Variants in POLR1C observed in about 807,000 individuals in gnomAD.
The protein encoded by POLR1C is DNA-directed RNA polymerases I and III subunit RPAC1.
Under a neutral mutation model 38.3 loss-of-function variants are expected in POLR1C, and 42 were observed. The ratio of observed to expected loss-of-function variants is 1.10; its 90% CI spans 0.86 to 1.42. POLR1C has a LOEUF of 1.42. Among genes scored for constraint, POLR1C ranks in the 40% most tolerant of loss-of-function variants. The pLI is 0.00. For synonymous variants in POLR1C, 163 were observed against 163.9 expected (o/e 0.99, Z 0.04); for missense variants, 507 against 450.5 (o/e 1.13, Z -1.14).
chr6:43,560,713 A>AC (rs1762372864), intron 10 of POLR1C, among the ~76,000 whole-genome samples: 1 of 152,196 alleles, frequency 6.6e-6, no homozygotes, highest in African/African-American at 2.4e-5. Flanking sequence ...TCAGAATATT[A>AC]CCTAAAGGGA....
intron 9 of POLR1C, chr6:43,546,858 G>C (rs1794988869): frequency 1.8e-6 from 2 of 1,131,600 alleles, no homozygotes. Context: ...ACAGAGGCCA[G>C]AGAGAATGAA....
chr6:43,547,757 A>G (rs781531782), intron 9 of POLR1C: 1 of 1,551,384 alleles, frequency 6.4e-7, no homozygotes, highest in South Asian at 1.1e-5. Flanking sequence ...TTAAACAAGG[A>G]CAGTTTCTTC....
intron 10 of POLR1C, among the ~76,000 whole-genome samples, chr6:43,552,230 G>A (rs922898840): frequency 1.3e-5 from 2 of 151,948 alleles, no homozygotes; most frequent in Non-Finnish European, 2.9e-5. Context: ...GCTAATTTTT[G>A]TATTTTTAGT....
chr6:43,554,442 T>C (rs1231461412), intron 10 of POLR1C, among the ~76,000 whole-genome samples: 1 of 150,318 alleles, frequency 6.7e-6, no homozygotes, highest in Non-Finnish European at 1.5e-5. Flanking sequence ...TTTTTCTTTT[T>C]TGAGATGGAG....
intron 10 of POLR1C, chr6:43,554,916 G>A (rs889282355): frequency 2.7e-5 from 4 of 150,920 alleles, no homozygotes; most frequent in African/African-American, 9.8e-5. Context: ...TTCTAAAGCA[G>A]TGACGTGCAC....
At chr6:43,532,646 C>T (rs890437328), downstream of POLR1C, among the ~76,000 whole-genome samples, 1 of 152,154 alleles carries the variant, frequency 6.6e-6, no homozygotes, top group African/African-American at 2.4e-5. Flanking sequence ...TCCTCATGCC[C>T]CTAACCTAGC....
chr6:43,544,786 GAC>G (rs1794883703), intron 9 of POLR1C, among the ~76,000 whole-genome samples: 1 of 152,142 alleles, frequency 6.6e-6, no homozygotes, highest in Admixed American at 6.6e-5. Flanking sequence ...GCCTCTTCTT[GAC>G]TAAATGTTTA....
At chr6:43,526,839 C>T in intron 8 of POLR1C, 1 of 1,344,428 alleles carries the variant, frequency 7.4e-7, no homozygotes, top group South Asian at 1.2e-5. Context: ...CTGTCTCTGG[C>T]CAGGTGAGGA....
downstream of POLR1C, chr6:43,524,379 A>T: frequency 6.9e-7 from 1 of 1,441,886 alleles, no homozygotes; most frequent in Non-Finnish European, 9.3e-7. Context: ...AAATCTCACC[A>T]TAATGGTCAA....
At chr6:43,530,529 T>G, downstream of POLR1C, 1 of 874,924 alleles carries the variant, frequency 1.1e-6, no homozygotes, top group Admixed American at 3.4e-5. Flanking sequence ...ATGTTTTCCC[T>G]GCAATCTGCC....
intron 9 of POLR1C, chr6:43,547,366 A>G: frequency 1.7e-6 from 1 of 581,374 alleles, no homozygotes; most frequent in Non-Finnish European, 3.1e-6. Context: ...CAGTCTTCAG[A>G]GCTATTTAGA....
At chr6:43,530,618 T>C (rs1437924116), downstream of POLR1C, 1 of 1,547,484 alleles carries the variant, frequency 6.5e-7, no homozygotes, top group East Asian at 2.3e-5. Context: ...CTCTGGTTGC[T>C]GTGACCTGTT....
Position 43,521,502 on chromosome 6 carries a change from CA to C in POLR1C, c.*205del. The stretch of plus-strand genomic sequence containing the variant: ...GGCCTTAGATGTAAATAAACTCACC[CA>C]AACAAAAAAACTTTTTGAGACTACT... On this transcript the variant is annotated 3_prime_UTR_variant, in exon 9 of 9. Coordinates refer to ENST00000642195, the MANE Select transcript of POLR1C (RefSeq NM_203290.4). 1 of 1,347,728 alleles carries C rather than the reference CA, an allele frequency of 7.4e-7. No homozygotes were observed. The highest frequency in any genetic ancestry group is 9.6e-7 in the Non-Finnish European group (1 of 1,045,550). 83.5% of individuals were successfully genotyped at this position (1,347,728 alleles called of 1,614,324 possible). A position where few individuals can be genotyped will look rare whatever the true frequency, so the allele number is the denominator to read the frequency against.
chr6:43,553,004 G>A (rs1561878120), intron 10 of POLR1C, among the ~76,000 whole-genome samples: 1 of 150,246 alleles, frequency 6.7e-6, no homozygotes, highest in African/African-American at 2.5e-5. Flanking sequence ...TACATCCATA[G>A]ATTTTCCTAT....
intron 10 of POLR1C, chr6:43,561,270 A>T (rs1413640192): frequency 2.6e-6 from 1 of 383,206 alleles, no homozygotes. Context: ...AATAAAAAAC[A>T]CTCATTTCAG....
chr6:43,543,749 T>C (rs572049481), intron 9 of POLR1C, among the ~76,000 whole-genome samples: 5 of 152,128 alleles, frequency 3.3e-5, no homozygotes, highest in African/African-American at 1.2e-4. Context: ...TGATCTTGGC[T>C]CACTGCAACC....
downstream of POLR1C, chr6:43,523,304 CCAAAG>C (rs1793312258): frequency 4.3e-6 from 1 of 230,642 alleles, no homozygotes. Context: ...AGATTCTTGC[CCAAAG>C]CAAAGTTGAG....
At chr6:43,519,522 C>G in intron 3 of POLR1C, 82 bp downstream of exon 3, 1 of 1,339,128 alleles carries the variant, frequency 7.5e-7, no homozygotes, top group Non-Finnish European at 1.1e-6. Context: ...GTGTCTCAAG[C>G]TGTCCTTCCC....
chr6:43,524,644 A>G, downstream of POLR1C: 1 of 1,613,188 alleles, frequency 6.2e-7, no homozygotes, highest in Non-Finnish European at 8.5e-7. Flanking sequence ...CGCTGATATC[A>G]GCAGGGATAA....
Sources: allele counts gnomAD v4.1 joint callset (sites outside exome capture counted in the v4.1 genomes callset), GRCh38; gene constraint gnomAD v4.1.1; transcripts MANE v1.5; gene names NCBI Gene and HGNC (gene_info 2026-07-23, HGNC 2026-07-21).